Variants in GPC6 observed in about 807,000 individuals in gnomAD.
GPC6 encodes glypican-6.
GPC6 carries 14 observed loss-of-function variants against 55.2 expected under a neutral mutation model. The observed-to-expected ratio is 0.25, with a 90% confidence interval of 0.17 to 0.40. The LOEUF (loss-of-function observed/expected upper bound fraction) is 0.40. GPC6 is among the 10% of genes least tolerant of loss of function. The pLI, the probability that GPC6 is intolerant of heterozygous loss-of-function variation, is 1.00. For missense variants in GPC6, 641 were observed against 708.5 expected, an observed-to-expected ratio of 0.90 and a Z score of 1.08; for synonymous variants, 278 against 259.6, an observed-to-expected ratio of 1.07 and a Z score of -0.68.
chr13:94,350,067 T>C (rs1365679563), intron 6 of GPC6, among the ~76,000 whole-genome samples: 1 of 136,108 alleles, frequency 7.3e-6, no homozygotes, highest in Non-Finnish European at 1.6e-5. Flanking sequence ...TACATATATA[T>C]ATATCTTTTG....
rs1405742693 is a variant in GPC6 at position 94,406,639 on chromosome 13, C to A, written c.*3422C>A. 6.6e-6 allele frequency: 1 copy of A among 152,066 alleles called. No individual in the cohort carries two copies. Among genetic ancestry groups the A allele is most frequent in the Non-Finnish European group, 1.5e-5 (1 of 67,962 alleles). The allele number at this position is 152,066 out of a possible 1,614,324, so 9.4% of individuals were successfully genotyped here. On this transcript the variant is annotated 3_prime_UTR_variant, in exon 9 of 9. Transcript: ENST00000377047. ...ATTGAAAATATTATTACAGGCAGAA[C>A]CCTGATTTTTAATTTATATTCCCTG... is the stretch of plus-strand genomic sequence containing the variant.
intron 2 of GPC6, among the ~76,000 whole-genome samples, chr13:93,801,383 C>A (rs1195809627): frequency 3.9e-5 from 6 of 152,196 alleles, no homozygotes; most frequent in African/African-American, 1.4e-4. Context: ...TATCTGCTTT[C>A]TGACAGTGGT....
chr13:93,847,610 G>A (rs957658402), intron 3 of GPC6, among the ~76,000 whole-genome samples: 1 of 151,922 alleles, frequency 6.6e-6, no homozygotes, highest in African/African-American at 2.4e-5. Context: ...GGGTGCATAC[G>A]GTGTTACACT....
intron 1 of GPC6, among the ~76,000 whole-genome samples, chr13:93,254,891 C>G (rs1876901960): frequency 6.6e-6 from 1 of 152,166 alleles, no homozygotes; most frequent in African/African-American, 2.4e-5. Flanking sequence ...GGTAGCTTAA[C>G]AGAGATTTAG....
chr13:93,378,382 C>A (rs1319957846), intron 1 of GPC6, among the ~76,000 whole-genome samples: 1 of 152,162 alleles, frequency 6.6e-6, no homozygotes, highest in Non-Finnish European at 1.5e-5. Context: ...GTTCTTCCTC[C>A]AGCACTGGTT....
At chr13:94,362,226 T>G (rs1879087103) in intron 6 of GPC6, among the ~76,000 whole-genome samples, 1 of 152,196 alleles carries the variant, frequency 6.6e-6, no homozygotes. Flanking sequence ...CGGGGGAAAT[T>G]TGAAGCAATT....
intron 2 of GPC6, 85 bp downstream of exon 2, chr13:93,545,506 A>G (rs1874740854): frequency 8.6e-7 from 1 of 1,161,936 alleles, no homozygotes; most frequent in Non-Finnish European, 1.3e-6. Context: ...TATTTTTTTA[A>G]AAAGGGAGCT....
intron 4 of GPC6, among the ~76,000 whole-genome samples, chr13:94,079,460 T>C (rs974393323): frequency 6.6e-6 from 1 of 152,094 alleles, no homozygotes; most frequent in Non-Finnish European, 1.5e-5. Flanking sequence ...ATATTGAAGG[T>C]GTTTTTCATA....
intron 2 of GPC6, among the ~76,000 whole-genome samples, chr13:93,807,491 T>C (rs1423604803): frequency 6.6e-6 from 1 of 152,172 alleles, no homozygotes; most frequent in Non-Finnish European, 1.5e-5. Context: ...GTAGTTTTAG[T>C]GGGCATGGGA....
chr13:93,280,393 C>G (rs1877909954), intron 1 of GPC6, among the ~76,000 whole-genome samples: 3 of 152,108 alleles, frequency 2.0e-5, no homozygotes, highest in African/African-American at 7.2e-5. Flanking sequence ...CAGCGGGGCT[C>G]CACAGAGTTT....
chr13:93,300,887 C>T (rs972137441), intron 1 of GPC6, among the ~76,000 whole-genome samples: 1 of 151,778 alleles, frequency 6.6e-6, no homozygotes, highest in African/African-American at 2.4e-5. Flanking sequence ...GGTGTGGTGG[C>T]ACATGCCTGT....
chr13:94,157,364 T>G (rs1887988204), intron 4 of GPC6, among the ~76,000 whole-genome samples: 1 of 151,954 alleles, frequency 6.6e-6, no homozygotes, highest in African/African-American at 2.4e-5. Context: ...ACCTGGAGAA[T>G]AAAGAGAAAG....
chr13:93,942,512 G>A (rs947066234), intron 3 of GPC6, among the ~76,000 whole-genome samples: 20 of 152,124 alleles, frequency 1.3e-4, no homozygotes, highest in Non-Finnish European at 1.2e-4. Flanking sequence ...TGTAGGGACA[G>A]GTTTTTGCCA....
At chr13:94,364,055 A>G (rs1463945465) in intron 6 of GPC6, among the ~76,000 whole-genome samples, 4 of 152,230 alleles carry the variant, frequency 2.6e-5, no homozygotes, top group Non-Finnish European at 5.9e-5. Context: ...GCAACTAGAA[A>G]ATTTAAAATT....
chr13:93,963,764 T>C (rs535411728), intron 3 of GPC6, among the ~76,000 whole-genome samples: 2 of 152,302 alleles, frequency 1.3e-5, no homozygotes, highest in African/African-American at 4.8e-5. Flanking sequence ...ATAAGATTGT[T>C]TGGTGTTCTT....
At chr13:94,111,175 A>G (rs1472730433) in intron 4 of GPC6, among the ~76,000 whole-genome samples, 6 of 151,778 alleles carry the variant, frequency 4.0e-5, no homozygotes, top group Non-Finnish European at 8.8e-5. Context: ...TTTCTATTAT[A>G]TTTTGTTTTT....
chr13:93,523,816 G>T (rs1017424792), intron 1 of GPC6, among the ~76,000 whole-genome samples: 2 of 151,738 alleles, frequency 1.3e-5, no homozygotes, highest in Admixed American at 6.6e-5. Flanking sequence ...CTCTCATTTT[G>T]AATAGCTTTT....
rs541597303 is a variant in GPC6, at chr13:93,488,242, A to G, written c.161-57021A>G. On this transcript the variant is annotated intron_variant, in intron 1 of 8. Transcript: ENST00000377047. ...GTGTTTGGTTTTTTGTCCTTGCGAT[A>G]GTTTGCTCATAATGATGGTTTCCAG... Among the ~76,000 whole-genome samples, 28 of 152,188 alleles carry G rather than the reference A, an allele frequency of 1.8e-4. 1 individual carries two copies. In the South Asian group the frequency reaches 5.4e-3, roughly 29 times the overall value.
At chr13:93,246,550 T>C (rs563140223) in intron 1 of GPC6, among the ~76,000 whole-genome samples, 6 of 152,036 alleles carry the variant, frequency 3.9e-5, no homozygotes, top group African/African-American at 1.4e-4. Flanking sequence ...TAACTCAAAG[T>C]CACTAGCACT....
Sources: allele counts gnomAD v4.1 joint callset (sites outside exome capture counted in the v4.1 genomes callset), GRCh38; gene constraint gnomAD v4.1.1; transcripts MANE v1.5; gene names NCBI Gene and HGNC (gene_info 2026-07-23, HGNC 2026-07-21).